Variants in ACTA2 observed in about 807,000 individuals in gnomAD.
ACTA2 encodes actin alpha 2, smooth muscle.
ACTA2 carries 12 observed loss-of-function variants against 39.5 expected under a neutral mutation model. The ratio of observed to expected loss-of-function variants is 0.30; its 90% CI spans 0.19 to 0.49. ACTA2 has a LOEUF of 0.49. ACTA2 is among the 20% of genes least tolerant of loss of function. The probability of loss-of-function intolerance (pLI) is 0.99; values close to 1 mark genes in which losing one functional copy is unlikely to be tolerated. For synonymous variants in ACTA2, 158 were observed against 180.6 expected (o/e 0.88, Z 1.00); for missense variants, 236 against 498.8 (o/e 0.47, Z 5.02).
intron 1 of ACTA2, among the ~76,000 whole-genome samples, chr10:88,966,438 T>A (rs749554014): frequency 6.6e-6 from 1 of 152,184 alleles, no homozygotes; most frequent in Non-Finnish European, 1.5e-5. Flanking sequence ...TTTTGTAATC[T>A]ATAAGTGTGT....
At chr10:88,946,425 G>A (rs1370580906) in intron 3 of ACTA2, among the ~76,000 whole-genome samples, 2 of 151,444 alleles carry the variant, frequency 1.3e-5, no homozygotes, top group Admixed American at 6.6e-5. Flanking sequence ...TTTTGAGATA[G>A]GATCTCACTC....
At chr10:88,946,275 C>CTTTTT (rs35702314) in intron 3 of ACTA2, among the ~76,000 whole-genome samples, 3 of 117,074 alleles carry the variant, frequency 2.6e-5, no homozygotes, top group Admixed American at 9.3e-5. Flanking sequence ...TTAATTAAAC[C>CTTTTT]TTTTTTTTTT....
chr10:88,971,727 T>C (rs1434879988), intron 1 of ACTA2, among the ~76,000 whole-genome samples: 1 of 152,152 alleles, frequency 6.6e-6, no homozygotes, highest in Non-Finnish European at 1.5e-5. Context: ...TGTAATGGCT[T>C]TAGCAATTTG....
intron 1 of ACTA2, among the ~76,000 whole-genome samples, chr10:88,989,021 C>T (rs146658156): frequency 6.6e-6 from 1 of 152,128 alleles, no homozygotes; most frequent in Admixed American, 6.5e-5. Context: ...AGAGCAGGAC[C>T]TTGGGAGCAA....
At chr10:88,949,041 GGGGGCCCTCC>G in intron 1 of ACTA2, 88 bp from the exon 2 acceptor site, 3 of 1,349,786 alleles carry the variant, frequency 2.2e-6, no homozygotes, top group Non-Finnish European at 3.1e-6. Flanking sequence ...GGCTGGGTTT[GGGGGCCCTCC>G]TCTGTGTCCT....
chr10:88,941,974 T>C, intron 4 of ACTA2, 105 bp from the exon 5 acceptor site: 1 of 1,084,144 alleles, frequency 9.2e-7, no homozygotes, highest in Non-Finnish European at 1.4e-6. Flanking sequence ...TGACCTGTTC[T>C]GGGCAGAGGA....
chr10:88,951,787 C>T (rs1041990570), intron 1 of ACTA2, among the ~76,000 whole-genome samples: 11 of 152,208 alleles, frequency 7.2e-5, no homozygotes, highest in African/African-American at 2.7e-4. Context: ...AAGAACAGTA[C>T]AGTTCCCAGC....
chr10:88,939,364 A>T, intron 7 of ACTA2, 143 bp downstream of exon 7: 1 of 1,094,364 alleles, frequency 9.1e-7, no homozygotes, highest in Non-Finnish European at 1.4e-6. Flanking sequence ...CTCGCCTTGA[A>T]AATGTGGCAC....
chr10:88,988,969 C>G (rs539788863), intron 1 of ACTA2, among the ~76,000 whole-genome samples: 1 of 152,126 alleles, frequency 6.6e-6, no homozygotes, highest in Non-Finnish European at 1.5e-5. Flanking sequence ...GATAATTAGA[C>G]GTACGTGGGC....
rs779757924 is a variant in ACTA2 at position 88,943,870 on chromosome 10, G to C, written c.296C>G (p.Ala99Gly). The C allele has an allele frequency of 2.3e-5, 37 of 1,613,890 alleles. No individual in the cohort carries two copies. Among genetic ancestry groups the C allele is most frequent in the Non-Finnish European group, 3.1e-5 (36 of 1,179,940 alleles). The stretch of plus-strand genomic sequence containing the variant: ...GAGCAGGGTGGGATGCTCTTCAGGG[G>C]CAACACGAAGCTCATTGTAGAAAGA... ...HHSFYNELRV[A>G]PEEHPTLLTE... is the part of the protein sequence containing the mutation. The change falls in exon 4 of 9, where the codon GCC becomes GGC. Residue 99 changes from alanine to glycine, a missense_variant. Transcript: ENST00000224784.
intron 1 of ACTA2, chr10:88,973,748 GGCCAAA>G (rs1723449856): frequency 6.5e-6 from 1 of 153,294 alleles, no homozygotes; most frequent in Admixed American, 6.5e-5. Flanking sequence ...GTTTTTGCCA[GGCCAAA>G]TATTAACAGG....
intron 8 of ACTA2, among the ~76,000 whole-genome samples, chr10:88,935,743 C>T (rs890124338): frequency 6.6e-6 from 1 of 152,202 alleles, no homozygotes; most frequent in African/African-American, 2.4e-5. Flanking sequence ...TAGAAACAAA[C>T]CCTAGCCTAT....
intron 3 of ACTA2, among the ~76,000 whole-genome samples, chr10:88,944,871 T>C (rs1477209245): frequency 6.6e-6 from 1 of 152,206 alleles, no homozygotes; most frequent in Admixed American, 6.5e-5. Context: ...GAGCCAGGAA[T>C]ATGAGATTCA....
Position 88,959,659 on chromosome 10 carries a change from T to A in ACTA2, c.-23-10706A>T, listed in dbSNP as rs143064532. Among the ~76,000 whole-genome samples the A allele has an allele frequency of 3.8e-3, 579 of 152,358 alleles. 5 individuals carry two copies. Among genetic ancestry groups the A allele is most frequent in the African/African-American group, 0.013 (540 of 41,590 alleles). ...CATTACTGTGGTACATTTTCCATAA[T>A]TAATGAACTGATATTTATACATTTT... On this transcript the variant is annotated intron_variant, in intron 1 of 4. Transcript: ENST00000415557.
At chr10:88,960,867 T>C (rs75858107) in intron 1 of ACTA2, among the ~76,000 whole-genome samples, 343 of 152,316 alleles carry the variant, frequency 2.3e-3, no homozygotes, top group African/African-American at 8.0e-3. Flanking sequence ...TATTGCTGCT[T>C]ATAAGCCACA....
intron 1 of ACTA2, chr10:88,974,544 G>T (rs1157695457): frequency 6.6e-6 from 1 of 152,100 alleles, no homozygotes; most frequent in African/African-American, 2.4e-5. Context: ...TAGTAACAAG[G>T]TCTCACTATA....
rs529237156 is a variant in ACTA2, at chr10:88,947,095, A to AT, written c.258+162dup. ...CTCATCATTTTTTATGGCTACAAGG[A>AT]TTTTTTTTTCAATGGGTAATAACCC... On this transcript the variant is annotated intron_variant, in intron 3 of 8. Coordinates refer to ENST00000224784, the MANE Select transcript of ACTA2 (RefSeq NM_001613.4). The AT allele has an allele frequency of 1.4e-3, 1,423 of 1,003,724 alleles. 4 individuals are homozygous for AT. The highest frequency in any genetic ancestry group is 3.6e-3 in the South Asian group (217 of 60,874). 62.2% of individuals were successfully genotyped at this position (1,003,724 alleles called of 1,614,324 possible).
chr10:88,990,313 C>T lies in ACTA2; in HGVS notation c.-24+626G>A, dbSNP rs1417332273. 6.6e-6 allele frequency among the ~76,000 whole-genome samples: 1 copy of T among 152,186 alleles called. No homozygotes were observed. The highest frequency in any genetic ancestry group is 1.9e-4 in the East Asian group (1 of 5,190). ...CAGCAATTAGCCAAGGCTCCTGTAC[C>T]CAGGCAGGACCTCTGCGCTCTGAGC... On this transcript the variant is annotated intron_variant, in intron 1 of 4. Coordinates refer to the ACTA2 transcript ENST00000415557. This position sits in a 1 kb window ranked among gnomAD's most constrained non-coding sequence, Gnocchi z 4.9.
At chr10:88,948,624 A>C (rs1022850019) in intron 2 of ACTA2, 178 bp downstream of exon 2, 21 of 784,554 alleles carry the variant, frequency 2.7e-5, no homozygotes, top group Non-Finnish European at 4.4e-5. Context: ...CCCATCAGAT[A>C]ATCTGTCTAC....
Sources: gnomAD v4.1 joint callset for allele counts (sites outside exome capture counted in the v4.1 genomes callset) on GRCh38, gnomAD v4.1.1 for gene constraint, Gnocchi (gnomAD v3.1) non-coding constraint, MANE v1.5 for transcripts, NCBI Gene and HGNC (gene_info 2026-07-23, HGNC 2026-07-21) for gene names.